ADAMTS18: variants seen among roughly 807,000 people sequenced by gnomAD.
ADAMTS18 encodes the protein A disintegrin and metalloproteinase with thrombospondin motifs 18.
In ADAMTS18, 157 loss-of-function variants were observed where a neutral mutation model predicts 165.9. The ratio of observed to expected loss-of-function variants is 0.95; its 90% CI spans 0.83 to 1.08. The LOEUF (loss-of-function observed/expected upper bound fraction) is 1.08. Among genes scored for constraint, ADAMTS18 ranks in the 50% least tolerant of loss-of-function variants. The probability of loss-of-function intolerance (pLI) is 0.00; values close to 1 mark genes in which losing one functional copy is unlikely to be tolerated. For synonymous variants in ADAMTS18, 782 were observed against 578.2 expected, an observed-to-expected ratio of 1.35 and a Z score of -5.06; for missense variants, 2,040 against 1,534.0, an observed-to-expected ratio of 1.33 and a Z score of -5.51.
At chr16:77,392,136 G>C (rs114005704) in intron 3 of ADAMTS18, among the ~76,000 whole-genome samples, 130 of 152,234 alleles carry the variant, frequency 8.5e-4, no homozygotes, top group African/African-American at 3.0e-3. Flanking sequence ...AATGCTCTGG[G>C]ACAGAAGACA....
At chr16:77,364,098 C>G in intron 5 of ADAMTS18, 90 bp downstream of exon 5, 2 of 1,529,336 alleles carry the variant, frequency 1.3e-6, no homozygotes, top group East Asian at 2.2e-5. Context: ...TTGCACCGAC[C>G]TAATACACCT....
At chr16:77,317,295 C>A (rs1278299801) in intron 16 of ADAMTS18, among the ~76,000 whole-genome samples, 1 of 152,138 alleles carries the variant, frequency 6.6e-6, no homozygotes, top group Non-Finnish European at 1.5e-5. Flanking sequence ...ATGTGAAACT[C>A]AAGAGCAGCT....
intron 6 of ADAMTS18, among the ~76,000 whole-genome samples, chr16:77,362,547 C>T (rs1436628253): frequency 6.6e-6 from 1 of 152,146 alleles, no homozygotes; most frequent in Non-Finnish European, 1.5e-5. Context: ...CTAGTACTAC[C>T]TTTATAAAAC....
intron 11 of ADAMTS18, among the ~76,000 whole-genome samples, chr16:77,341,410 G>A (rs1446111560): frequency 6.6e-6 from 1 of 152,030 alleles, no homozygotes; most frequent in African/African-American, 2.4e-5. Context: ...AGTTTAAAAG[G>A]AAAATGGTAT....
chr16:77,341,876 AATATT>A (rs1479750498), intron 10 of ADAMTS18, 77 bp from the exon 11 acceptor site: 11 of 1,129,688 alleles, frequency 9.7e-6, no homozygotes, highest in Non-Finnish European at 1.3e-5. Flanking sequence ...TGTTGTATAT[AATATT>A]ATATTTTGGG....
At chr16:77,284,515 C>CA (rs2055210571) in intron 22 of ADAMTS18, among the ~76,000 whole-genome samples, 1 of 152,126 alleles carries the variant, frequency 6.6e-6, no homozygotes, top group African/African-American at 2.4e-5. Flanking sequence ...GTCTTGGGCC[C>CA]ACCTCCCTTG....
At chr16:77,315,077 T>C (rs1394170000) in intron 16 of ADAMTS18, among the ~76,000 whole-genome samples, 1 of 151,970 alleles carries the variant, frequency 6.6e-6, no homozygotes, top group African/African-American at 2.4e-5. Flanking sequence ...CTACTGTTCT[T>C]CCTTAGTAAA....
At chr16:77,408,174 C>G (rs936075464) in intron 3 of ADAMTS18, among the ~76,000 whole-genome samples, 116 of 152,050 alleles carry the variant, frequency 7.6e-4, no homozygotes, top group African/African-American at 2.7e-3. Flanking sequence ...CAAGCATACT[C>G]TAGATTAAAC....
At chr16:77,378,648 G>C (rs1197643560) in intron 3 of ADAMTS18, among the ~76,000 whole-genome samples, 1 of 152,152 alleles carries the variant, frequency 6.6e-6, no homozygotes, top group African/African-American at 2.4e-5. Context: ...CCAGGTGACG[G>C]AGGTTGCAGT....
At chr16:77,348,431 C>T (rs2144702234) in intron 10 of ADAMTS18, among the ~76,000 whole-genome samples, 1 of 152,332 alleles carries the variant, frequency 6.6e-6, no homozygotes, top group Admixed American at 6.5e-5. Context: ...GGCAGGCAAC[C>T]TCCAGGGTGG....
rs1468838407 is a variant in ADAMTS18, at chr16:77,397,725, T to G, written c.496-30002A>C. ...CCCATGCAGAGCTTACAAAAAATGT[T>G]GAGTAAGTTGCCCACATTAAACATT... is the stretch of plus-strand genomic sequence containing the variant. On this transcript the variant is annotated intron_variant, in intron 3 of 22. Coordinates refer to ENST00000282849, the MANE Select transcript of ADAMTS18 (RefSeq NM_199355.4). 2.6e-5 allele frequency among the ~76,000 whole-genome samples: 4 copies of G among 152,270 alleles called. No individual in the cohort carries two copies. The East Asian group carries it at 5.8e-4, about 22-fold the overall frequency.
At chr16:77,367,189 C>T (rs2056807580) in intron 4 of ADAMTS18, among the ~76,000 whole-genome samples, 1 of 152,148 alleles carries the variant, frequency 6.6e-6, no homozygotes, top group South Asian at 2.1e-4. Context: ...GAAATCAAGA[C>T]TGGGACCTAT....
intron 11 of ADAMTS18, among the ~76,000 whole-genome samples, chr16:77,340,770 G>T (rs762542584): frequency 6.6e-6 from 1 of 151,844 alleles, no homozygotes; most frequent in Non-Finnish European, 1.5e-5. Context: ...ATAGGGTCTC[G>T]CTGTGTTACC....
chr16:77,311,293 T>G (rs2055775334), intron 16 of ADAMTS18, among the ~76,000 whole-genome samples: 2 of 152,214 alleles, frequency 1.3e-5, no homozygotes, highest in South Asian at 4.1e-4. Context: ...TTTTAGTAGG[T>G]TCCCACAGTG....
intron 10 of ADAMTS18, among the ~76,000 whole-genome samples, chr16:77,345,934 C>A (rs956072914): frequency 1.3e-5 from 2 of 152,144 alleles, no homozygotes; most frequent in Non-Finnish European, 2.9e-5. Flanking sequence ...AAGTCATATG[C>A]ACTCAAGCCC....
At position 77,300,429 on chromosome 16, in the gene ADAMTS18, G is replaced by A. The variant is rs543841587; in HGVS notation, c.2533-25C>T. The A allele has an allele frequency of 5.0e-6, 8 of 1,613,712 alleles. No homozygotes were observed. In the East Asian group the frequency reaches 1.6e-4, roughly 31 times the overall value. On this transcript the variant is annotated intron_variant, in intron 16 of 22. Coordinates refer to ENST00000282849, the MANE Select transcript of ADAMTS18 (RefSeq NM_199355.4). The stretch of plus-strand genomic sequence containing the variant: ...TCTGGACAGTGTAAGATAAAAATCA[G>A]AGATCAAGATACAGGTCAGACCCTG...
At chr16:77,353,992 T>C (rs2144714563) in intron 9 of ADAMTS18, 106 bp from the exon 10 acceptor site, 1 of 1,353,692 alleles carries the variant, frequency 7.4e-7, no homozygotes, top group Admixed American at 1.7e-5. Context: ...TATAGCATGG[T>C]TCTAGAAACA....
At chr16:77,317,310 G>C (rs1030268556) in intron 16 of ADAMTS18, among the ~76,000 whole-genome samples, 2 of 152,122 alleles carry the variant, frequency 1.3e-5, no homozygotes, top group African/African-American at 4.8e-5. Context: ...GCAGCTCAGT[G>C]CATGTGACAC....
chr16:77,336,196 A>G (rs1027695197), intron 11 of ADAMTS18, among the ~76,000 whole-genome samples: 1 of 152,168 alleles, frequency 6.6e-6, no homozygotes, highest in African/African-American at 2.4e-5. Context: ...GATTCCACCT[A>G]ACAGCCAAGG....
Sources: gnomAD v4.1 joint callset for allele counts (sites outside exome capture counted in the v4.1 genomes callset) on GRCh38, gnomAD v4.1.1 for gene constraint, MANE v1.5 for transcripts, NCBI Gene and HGNC (gene_info 2026-07-23, HGNC 2026-07-21) for gene names.